ANTXR2: variants seen among roughly 807,000 people sequenced by gnomAD.
The protein encoded by ANTXR2 is anthrax toxin receptor 2.
In ANTXR2, 44 loss-of-function variants were observed where a neutral mutation model predicts 73.7. That is an observed-to-expected ratio of 0.60 (90% CI 0.47 to 0.77). ANTXR2 has a LOEUF of 0.77. Among genes scored for constraint, ANTXR2 ranks in the 30% least tolerant of loss-of-function variants. The pLI, the probability that ANTXR2 is intolerant of heterozygous loss-of-function variation, is 0.00. For synonymous variants in ANTXR2, 217 were observed against 205.9 expected, an observed-to-expected ratio of 1.05 and a Z score of -0.46; for missense variants, 604 against 592.5, an observed-to-expected ratio of 1.02 and a Z score of -0.20.
At chr4:79,935,278 C>CA (rs1380236206) in intron 16 of ANTXR2, among the ~76,000 whole-genome samples, 1 of 151,544 alleles carries the variant, frequency 6.6e-6, no homozygotes, top group African/African-American at 2.4e-5. Flanking sequence ...CCCTTTCCTC[C>CA]AGGCTGGATT....
At chr4:79,937,542 C>T (rs1202789843) in intron 16 of ANTXR2, among the ~76,000 whole-genome samples, 1 of 152,126 alleles carries the variant, frequency 6.6e-6, no homozygotes, top group South Asian at 2.1e-4. Context: ...GAGGTACTGT[C>T]TATCAGGGTA....
intron 3 of ANTXR2, 145 bp downstream of exon 3, chr4:80,069,291 C>A: frequency 2.2e-5 from 15 of 693,578 alleles, no homozygotes; most frequent in Non-Finnish European, 1.3e-5. Context: ...TTACTCATAC[C>A]TCCTTTCCCT....
Position 80,069,127 on chromosome 4 carries a change from T to A in ANTXR2, c.296+309A>T, listed in dbSNP as rs1734661051. ...TCCTGGTTGATTAATATATTATATCTAAACAAGAAAAATGTAGAACTACTT... is the reference window on the plus strand; with the variant it reads ...TCCTGGTTGATTAATATATTATATCAAAACAAGAAAAATGTAGAACTACTT... On this transcript the variant is annotated intron_variant, in intron 3 of 16. Coordinates refer to ENST00000403729, the MANE Select transcript of ANTXR2 (RefSeq NM_058172.6). Among the ~76,000 whole-genome samples, 3 of 152,222 alleles carry A rather than the reference T, an allele frequency of 2.0e-5. No individual in the cohort carries two copies. The South Asian group carries it at 6.2e-4, about 32-fold the overall frequency.
At position 79,978,228 on chromosome 4, in the gene ANTXR2, AG is replaced by A. The variant is rs1177481560; in HGVS notation, c.1180-55del. The A allele has an allele frequency of 3.2e-6, 5 of 1,550,200 alleles. No homozygotes were observed. The East Asian group carries it at 1.1e-4, about 35-fold the overall frequency. ...CAGACATAAAGTGTCCTAGAGGAAC[AG>A]GCTCTTATTGAGCCTATGGTCCTTT... On this transcript the variant is annotated intron_variant, in intron 14 of 16. Coordinates refer to ENST00000403729, the MANE Select transcript of ANTXR2 (RefSeq NM_058172.6).
At chr4:80,028,339 T>A (rs1485677960) in intron 10 of ANTXR2, among the ~76,000 whole-genome samples, 1 of 152,166 alleles carries the variant, frequency 6.6e-6, no homozygotes, top group Non-Finnish European at 1.5e-5. Flanking sequence ...ATGTCCTAGC[T>A]ACTCGGCTAC....
chr4:80,017,983 T>C (rs1731955072), intron 11 of ANTXR2, among the ~76,000 whole-genome samples: 1 of 152,178 alleles, frequency 6.6e-6, no homozygotes, highest in Admixed American at 6.5e-5. Context: ...ACCTGAAGCA[T>C]TGTCTTAAAA....
intron 14 of ANTXR2, among the ~76,000 whole-genome samples, chr4:79,982,034 G>C (rs1216571684): frequency 6.6e-6 from 1 of 152,052 alleles, no homozygotes. Context: ...CCATTCAGGG[G>C]CTCACTCACA....
At chr4:80,070,708 C>G (rs1734747849) in intron 2 of ANTXR2, among the ~76,000 whole-genome samples, 1 of 152,154 alleles carries the variant, frequency 6.6e-6, no homozygotes, top group South Asian at 2.1e-4. Flanking sequence ...TTTGAAGTTA[C>G]TTGCAACATG....
intron 12 of ANTXR2, among the ~76,000 whole-genome samples, chr4:79,986,944 A>G (rs1329477089): frequency 6.6e-6 from 1 of 152,226 alleles, no homozygotes; most frequent in Non-Finnish European, 1.5e-5. Flanking sequence ...CACAATTTAT[A>G]CTGCCTTCAA....
In ANTXR2 at chr4:79,956,039, G is replaced by A. The variant is rs1407613172; in HGVS notation, c.1428+21582C>T. On this transcript the variant is annotated intron_variant, in intron 16 of 16. Coordinates refer to ENST00000403729, the MANE Select transcript of ANTXR2 (RefSeq NM_058172.6). The stretch of plus-strand genomic sequence containing the variant: ...GTCCCTCTTGGAGAGAACTGAAGTA[G>A]GGATGGAAGTTGCAGTATACGAAGG... Among the ~76,000 whole-genome samples the A allele has an allele frequency of 3.3e-5, 5 of 152,114 alleles. No individual in the cohort carries two copies. The East Asian group carries it at 5.8e-4, about 18-fold the overall frequency.
intron 7 of ANTXR2, among the ~76,000 whole-genome samples, chr4:80,040,901 C>G (rs1445235799): frequency 1.3e-5 from 2 of 151,900 alleles, no homozygotes; most frequent in African/African-American, 4.8e-5. Flanking sequence ...TACCTTATTA[C>G]CTAATCCCTA....
At chr4:79,991,134 C>T (rs1006835443) in intron 12 of ANTXR2, among the ~76,000 whole-genome samples, 8 of 151,922 alleles carry the variant, frequency 5.3e-5, no homozygotes, top group South Asian at 4.1e-4. Context: ...TTCTGCACAG[C>T]GAAAGAAACT....
intron 7 of ANTXR2, among the ~76,000 whole-genome samples, chr4:80,048,277 A>AC (rs1560422187): frequency 6.6e-6 from 1 of 150,888 alleles, no homozygotes; most frequent in Non-Finnish European, 1.5e-5. Flanking sequence ...TAAAAAAAAA[A>AC]AAAAACAAAA....
intron 7 of ANTXR2, among the ~76,000 whole-genome samples, chr4:80,047,617 G>T (rs4370077): frequency 6.6e-6 from 1 of 151,416 alleles, no homozygotes; most frequent in Non-Finnish European, 1.5e-5. Context: ...TGACTCAACC[G>T]AATCAATTAG....
intron 11 of ANTXR2, 122 bp from the exon 12 acceptor site, chr4:80,008,738 T>A: frequency 1.9e-6 from 1 of 525,254 alleles, no homozygotes; most frequent in Non-Finnish European, 3.3e-6. Context: ...AAACTAGATT[T>A]TAACTATATT....
chr4:80,035,886 T>C (rs1250938741), intron 8 of ANTXR2, 86 bp downstream of exon 8: 2 of 1,165,472 alleles, frequency 1.7e-6, no homozygotes, highest in Admixed American at 5.6e-5. Flanking sequence ...TGCTATTCTT[T>C]TTCCAACATG....
chr4:80,054,494 G>A (rs1733903404), intron 6 of ANTXR2, 142 bp from the exon 7 acceptor site: 1 of 604,902 alleles, frequency 1.7e-6, no homozygotes, highest in African/African-American at 1.9e-5. Context: ...TCAAGGTCAG[G>A]AATTAAAGGT....
chr4:79,907,184 T>C lies in ANTXR2; in HGVS notation c.*245A>G, dbSNP rs1486948818. On this transcript the variant is annotated 3_prime_UTR_variant, in exon 17 of 17. Coordinates refer to ENST00000403729, the MANE Select transcript of ANTXR2 (RefSeq NM_058172.6). ...GTCTGCAGGTCAATGTTCCTCTTTA[T>C]TTTCAATGTCATAAATCATGAGTTA... 9.0e-6 allele frequency: 5 copies of C among 554,376 alleles called. No homozygotes were observed. The highest frequency in any genetic ancestry group is 1.3e-5 in the Non-Finnish European group (4 of 317,618). The allele number at this position is 554,376 out of a possible 1,614,324, so 34.3% of individuals were successfully genotyped here. A position where few individuals can be genotyped will look rare whatever the true frequency, so the allele number is the denominator to read the frequency against.
At chr4:79,917,650 T>A (rs1401510504) in intron 16 of ANTXR2, among the ~76,000 whole-genome samples, 4 of 152,062 alleles carry the variant, frequency 2.6e-5, no homozygotes, top group South Asian at 2.1e-4. Context: ...AATCCTATCC[T>A]CAAATTCATG....
Sources: gnomAD v4.1 joint callset for allele counts (sites outside exome capture counted in the v4.1 genomes callset) on GRCh38, gnomAD v4.1.1 for gene constraint, MANE v1.5 for transcripts, NCBI Gene and HGNC (gene_info 2026-07-23, HGNC 2026-07-21) for gene names.